The following ADAMTS4 variants were observed in gnomAD, a reference collection of about 807,000 sequenced individuals.
ADAMTS4 encodes the protein A disintegrin and metalloproteinase with thrombospondin motifs 4.
ADAMTS4 carries 38 observed loss-of-function variants against 66.7 expected under a neutral mutation model. The ratio of observed to expected loss-of-function variants is 0.57; its 90% CI spans 0.44 to 0.75. The LOEUF (loss-of-function observed/expected upper bound fraction) is 0.75. ADAMTS4 is among the 30% of genes least tolerant of loss of function. The pLI, the probability that ADAMTS4 is intolerant of heterozygous loss-of-function variation, is 0.00. For synonymous variants in ADAMTS4, 418 were observed against 461.5 expected, an observed-to-expected ratio of 0.91 and a Z score of 1.21; for missense variants, 1,014 against 1,116.7, an observed-to-expected ratio of 0.91 and a Z score of 1.31.
Position 161,194,240 on chromosome 1 carries a change from C to A in ADAMTS4, c.1262-19G>T. ...CAGTGCCCTGGGAAGGGGGTTGGGGCACAAAGTCAGCAACGGGCTGAGGGG... is the reference window on the plus strand; with the variant it reads ...CAGTGCCCTGGGAAGGGGGTTGGGGAACAAAGTCAGCAACGGGCTGAGGGG... On this transcript the variant is annotated intron_variant, in intron 4 of 8. Transcript: ENST00000367996. The surrounding 1 kb of genome is among the most constrained non-coding windows in gnomAD (Gnocchi z 4.1). 3 of 1,605,444 alleles carry A rather than the reference C, an allele frequency of 1.9e-6. No individual in the cohort carries two copies. The highest frequency in any genetic ancestry group is 2.6e-6 in the Non-Finnish European group (3 of 1,173,534).
At position 161,193,666 on chromosome 1, in the gene ADAMTS4, T is replaced by A; in HGVS notation, c.1709A>T (p.Asn570Ile). The A allele has an allele frequency of 6.2e-7, 1 of 1,613,158 alleles. No homozygotes were observed. Residue 570 changes from asparagine to isoleucine, a missense_variant, in exon 6 of 9, where the codon AAC becomes ATC. Physicochemically the swap from Asn to Ile is moderately radical, Grantham distance 149 (BLOSUM62 -3). Transcript: ENST00000367996. This position sits in a 1 kb window ranked among gnomAD's most constrained non-coding sequence, Gnocchi z 4.4. ...EGRRTRFRSCNTEDCPTGSAL... is the reference protein window; with the variant it reads ...EGRRTRFRSCITEDCPTGSAL... ...TGAGCCAGTTGGGCAGTCCTCAGTG[T>A]TGCAGGAGCGGAAGCGGGTACGGCG...
rs1664568782 is a variant in ADAMTS4 at position 161,187,771 on chromosome 1, C to G, written c.*3367G>C. 6.6e-6 allele frequency: 1 copy of G among 152,142 alleles called. No homozygotes were observed. The highest frequency in any genetic ancestry group is 2.4e-5 in the African/African-American group (1 of 41,402). The allele number at this position is 152,142 out of a possible 1,614,324, so 9.4% of individuals were successfully genotyped here. A position where few individuals can be genotyped will look rare whatever the true frequency, so the allele number is the denominator to read the frequency against. ...TCCCCCATTCTTCACTCTTCCACCTCAACCTCAGGGTCTTCTTTACCTATA... is the reference window on the plus strand; with the variant it reads ...TCCCCCATTCTTCACTCTTCCACCTGAACCTCAGGGTCTTCTTTACCTATA... On this transcript the variant is annotated 3_prime_UTR_variant, in exon 9 of 9. Coordinates refer to ENST00000367996, the MANE Select transcript of ADAMTS4 (RefSeq NM_005099.6).
At chr1:161,197,127 C>A in intron 1 of ADAMTS4, 2 of 489,750 alleles carry the variant, frequency 4.1e-6, no homozygotes, top group East Asian at 7.5e-5. Flanking sequence ...GAAGGGGACG[C>A]CACATCCCAG....
In ADAMTS4 at chr1:161,191,252, G is replaced by A; in HGVS notation, c.2400C>T (p.Phe800=). Residue 800 remains phenylalanine (F), a synonymous_variant, in exon 9 of 9, where the codon TTC becomes TTT. Coordinates refer to ENST00000367996, the MANE Select transcript of ADAMTS4 (RefSeq NM_005099.6). Reference sequence around the variant, plus strand: ...TTGAAGGGGTCGGCCGGGGCACGAAGAAGCTGTATCGGAGGCGTGTGTCCT... The same window carrying A: ...TTGAAGGGGTCGGCCGGGGCACGAAAAAGCTGTATCGGAGGCGTGTGTCCT... The part of the protein sequence containing the change: ...NPQDTRLRYS[F]FVPRPTPSTP... 13 of 1,613,788 alleles carry A rather than the reference G, an allele frequency of 8.1e-6. No individual in the cohort carries two copies. The highest frequency in any genetic ancestry group is 1.1e-5 in the Non-Finnish European group (13 of 1,179,944).
chr1:161,198,522 A>T lies in ADAMTS4; in HGVS notation c.106T>A (p.Trp36Arg). The T allele has an allele frequency of 6.4e-7, 1 of 1,567,042 alleles. No homozygotes were observed. Among genetic ancestry groups the T allele is most frequent in the Non-Finnish European group, 8.6e-7 (1 of 1,156,196 alleles). Reference protein sequence around the residue: ...LPIVPLSWLVWLLLLLLASLL... With the variant: ...LPIVPLSWLVRLLLLLLASLL... ...GAGGCCAGCAGTAGCAGAAGCAGCC[A>T]CACCAGCCAGGAGAGCGGCACAATG... Residue 36 changes from tryptophan (W) to arginine (R), a missense_variant, in exon 1 of 9, where the codon TGG (tryptophan) becomes AGG (arginine). Transcript: ENST00000367996. The surrounding 1 kb of genome is among the most constrained non-coding windows in gnomAD (Gnocchi z 4.7).
Position 161,191,347 on chromosome 1 carries a change from C to T in ADAMTS4, c.2305G>A (p.Glu769Lys). The change falls in exon 9 of 9, where the codon GAG becomes AAG. Residue 769 changes from glutamate (E) to lysine (K), a missense_variant. Coordinates refer to ENST00000367996, the MANE Select transcript of ADAMTS4 (RefSeq NM_005099.6). ...AGTGGCCCATGGCCTGACAGTGTCT[C>T]TGAGGCTGCAGTGGCCCCGCTGTAG... The part of the protein sequence containing the change: ...LRYSGATAAS[E>K]TLSGHGPLAQ... The T allele has an allele frequency of 6.2e-7, 1 of 1,614,030 alleles. No homozygotes were observed. Among genetic ancestry groups the T allele is most frequent in the Non-Finnish European group, 8.5e-7 (1 of 1,180,030 alleles).
At chr1:161,191,611 T>G in intron 8 of ADAMTS4, 47 bp from the exon 9 acceptor site, 1 of 1,540,532 alleles carries the variant, frequency 6.5e-7, no homozygotes, top group South Asian at 1.2e-5. Context: ...CTGAATCCCC[T>G]CAGCCTTCTG....
Position 161,196,575 on chromosome 1 carries a change from G to A in ADAMTS4, c.939C>T (p.Ala313=). The part of the protein sequence containing the change: ...EDSDPDHFDT[A]ILFTRQDLCG... ...GCCTCACCTGACGGGTAAACAGAATGGCTGTGTCAAAGTGGTCAGGGTCCG... is the reference window on the plus strand; with the variant it reads ...GCCTCACCTGACGGGTAAACAGAATAGCTGTGTCAAAGTGGTCAGGGTCCG... Residue 313 remains alanine (A), a synonymous_variant, in exon 2 of 9, where the codon GCC becomes GCT. Transcript: ENST00000367996. 1 of 1,614,182 alleles carries A rather than the reference G, an allele frequency of 6.2e-7. No individual in the cohort carries two copies. Among genetic ancestry groups the A allele is most frequent in the Admixed American group, 1.7e-5 (1 of 60,034 alleles).
rs1160335140 is a variant in ADAMTS4 at position 161,189,393 on chromosome 1, A to T, written c.*1745T>A. On this transcript the variant is annotated 3_prime_UTR_variant, in exon 9 of 9. Coordinates refer to ENST00000367996, the MANE Select transcript of ADAMTS4 (RefSeq NM_005099.6). The stretch of plus-strand genomic sequence containing the variant: ...GTTGTGAAACCCAGACCCCTCAACT[A>T]TCACCCTTATTACTAAGCACTCATT... 1 of 152,128 alleles carries T rather than the reference A, an allele frequency of 6.6e-6. No individual in the cohort carries two copies. The highest frequency in any genetic ancestry group is 2.4e-5 in the African/African-American group (1 of 41,416). The allele number at this position is 152,128 out of a possible 1,614,324, so 9.4% of individuals were successfully genotyped here.
chr1:161,195,734 A>G (rs1664804045), intron 3 of ADAMTS4, 99 bp from the exon 4 acceptor site: 1 of 1,204,268 alleles, frequency 8.3e-7, no homozygotes, highest in Non-Finnish European at 1.2e-6. Flanking sequence ...GATCAGATCC[A>G]TTACCCACCT....
chr1:161,191,194 G>A lies in ADAMTS4; in HGVS notation c.2458C>T (p.Arg820Ter), dbSNP rs1478612729. 3.8e-6 allele frequency: 6 copies of A among 1,598,338 alleles called. No individual in the cohort carries two copies. Among genetic ancestry groups the A allele is most frequent in the African/African-American group, 1.3e-5 (1 of 74,672 alleles). The change falls in exon 9 of 9, where the codon CGA becomes TGA. Residue 820 changes from arginine to a stop codon, truncating the protein, a stop_gained. Coordinates refer to ENST00000367996, the MANE Select transcript of ADAMTS4 (RefSeq NM_005099.6). LOFTEE classifies it high-confidence loss of function. ...AGGATCTCCAGAATCTGTGCTCTTCGGTGCAGCCAGTCCTGGGGAGTGGGG... is the reference window on the plus strand; with the variant it reads ...AGGATCTCCAGAATCTGTGCTCTTCAGTGCAGCCAGTCCTGGGGAGTGGGG... Reference protein sequence around the residue: ...PRPTPQDWLHRRAQILEILRR... With the variant: ...PRPTPQDWLH
chr1:161,188,039 TC>T lies in ADAMTS4; in HGVS notation c.*3098del, dbSNP rs979880562. On this transcript the variant is annotated 3_prime_UTR_variant, in exon 9 of 9. Coordinates refer to ENST00000367996, the MANE Select transcript of ADAMTS4 (RefSeq NM_005099.6). ...ATTTCGGCTCACTGCAACCTCCACC[TC>T]CCAGGTTCAAGCGATCCTCCTGCCT... 5 of 134,942 alleles carry T rather than the reference TC, an allele frequency of 3.7e-5. No homozygotes were observed. The highest frequency in any genetic ancestry group is 1.4e-4 in the African/African-American group (5 of 35,398). The allele number at this position is 134,942 out of a possible 1,614,324, so 8.4% of individuals were successfully genotyped here.
chr1:161,192,033 G>A (rs1664694914), intron 8 of ADAMTS4, 32 bp downstream of exon 8: 1 of 1,609,098 alleles, frequency 6.2e-7, no homozygotes, highest in East Asian at 2.2e-5. Flanking sequence ...GAATGTCCAG[G>A]AAGGTAGAGG....
Position 161,188,198 on chromosome 1 carries a change from T to C in ADAMTS4, c.*2940A>G, listed in dbSNP as rs565451747. On this transcript the variant is annotated 3_prime_UTR_variant, in exon 9 of 9. Transcript: ENST00000367996. ...TTTGAACCTCAGCCTCCCAAAGTGCTGAGATTACAGGTGTGAGCCACCATG... is the reference window on the plus strand; with the variant it reads ...TTTGAACCTCAGCCTCCCAAAGTGCCGAGATTACAGGTGTGAGCCACCATG... The C allele has an allele frequency of 6.7e-6, 1 of 149,460 alleles. No homozygotes were observed. Among genetic ancestry groups the C allele is most frequent in the East Asian group, 2.0e-4 (1 of 5,100 alleles). The allele number at this position is 149,460 out of a possible 1,614,324, so 9.3% of individuals were successfully genotyped here.
Position 161,193,548 on chromosome 1 carries a change from G to A in ADAMTS4, c.1735+92C>T. ...TAAAGGCACTCCCCACAGCAGCAGG[G>A]GAATCAACACCCCCTTGGTCTTGCA... On this transcript the variant is annotated intron_variant, in intron 6 of 8. Transcript: ENST00000367996. The surrounding 1 kb of genome is among the most constrained non-coding windows in gnomAD (Gnocchi z 4.4). 1 of 1,524,448 alleles carries A rather than the reference G, an allele frequency of 6.6e-7. No individual in the cohort carries two copies. Among genetic ancestry groups the A allele is most frequent in the South Asian group, 1.3e-5 (1 of 79,620 alleles). 94.4% of individuals were successfully genotyped at this position (1,524,448 alleles called of 1,614,324 possible). A position where few individuals can be genotyped will look rare whatever the true frequency, so the allele number is the denominator to read the frequency against.
Position 161,198,526 on chromosome 1 carries a change from C to A in ADAMTS4, c.102G>T (p.Leu34=). The A allele has an allele frequency of 6.4e-7, 1 of 1,567,220 alleles. No homozygotes were observed. Among genetic ancestry groups the A allele is most frequent in the East Asian group, 2.4e-5 (1 of 42,258 alleles). The part of the protein sequence containing the change: ...LLLPIVPLSW[L]VWLLLLLLAS... ...CCAGCAGTAGCAGAAGCAGCCACAC[C>A]AGCCAGGAGAGCGGCACAATGGGGA... Residue 34 remains leucine, a synonymous_variant, in exon 1 of 9, where the codon CTG becomes CTT. Coordinates refer to ENST00000367996, the MANE Select transcript of ADAMTS4 (RefSeq NM_005099.6). This position sits in a 1 kb window ranked among gnomAD's most constrained non-coding sequence, Gnocchi z 4.7.
rs1239595772 is a variant in ADAMTS4, at chr1:161,192,201, C to G, written c.1951G>C (p.Val651Leu). Residue 651 changes from valine (V) to leucine (L), a missense_variant, in exon 8 of 9, where the codon GTC becomes CTC. Val to Leu is a conservative substitution (Grantham distance 32, BLOSUM62 1). Coordinates refer to ENST00000367996, the MANE Select transcript of ADAMTS4 (RefSeq NM_005099.6). ...GTPCSPDSSSVCVQGRCIHAG... is the reference protein window; with the variant it reads ...GTPCSPDSSSLCVQGRCIHAG... ...TGGATGCATCGGCCCTGGACACAGA[C>G]CGAGGAGCTGTCCGGGGAACAGGGG... 2 of 1,614,016 alleles carry G rather than the reference C, an allele frequency of 1.2e-6. No individual in the cohort carries two copies. Among genetic ancestry groups the G allele is most frequent in the Non-Finnish European group, 1.7e-6 (2 of 1,179,988 alleles).
chr1:161,191,436 T>C lies in ADAMTS4; in HGVS notation c.2216A>G (p.Asn739Ser), dbSNP rs1664677973. The C allele has an allele frequency of 6.2e-7, 1 of 1,614,196 alleles. No individual in the cohort carries two copies. Among genetic ancestry groups the C allele is most frequent in the Non-Finnish European group, 8.5e-7 (1 of 1,180,024 alleles). The change falls in exon 9 of 9, where the codon AAT (asparagine) becomes AGT (serine). Residue 739 changes from asparagine to serine, a missense_variant. Transcript: ENST00000367996. ...LKLPDGSYALNGEYTLMPSPT... is the reference protein window; with the variant it reads ...LKLPDGSYALSGEYTLMPSPT... Reference sequence around the variant, plus strand: ...GGAGGGCATCAGCGTGTATTCACCATTGAGGGCATAGGAGCCATCTGGCAG... The same window carrying C: ...GGAGGGCATCAGCGTGTATTCACCACTGAGGGCATAGGAGCCATCTGGCAG...
In ADAMTS4 at chr1:161,192,180, T is replaced by G. The variant is rs1480911158; in HGVS notation, c.1972A>C (p.Ile658Leu). The G allele has an allele frequency of 6.2e-7, 1 of 1,614,010 alleles. No homozygotes were observed. Among genetic ancestry groups the G allele is most frequent in the Admixed American group, 1.7e-5 (1 of 59,998 alleles). Reference protein sequence around the residue: ...SSSVCVQGRCIHAGCDRIIGS... With the variant: ...SSSVCVQGRCLHAGCDRIIGS... ...ATGATGCGATCACAGCCAGCATGGA[T>G]GCATCGGCCCTGGACACAGACCGAG... Residue 658 changes from isoleucine (I) to leucine (L), a missense_variant, in exon 8 of 9, where the codon ATC (isoleucine) becomes CTC (leucine). Ile to Leu is a conservative substitution (Grantham distance 5). Coordinates refer to ENST00000367996, the MANE Select transcript of ADAMTS4 (RefSeq NM_005099.6).
Sources: gnomAD v4.1 joint callset for allele counts on GRCh38, gnomAD v4.1.1 for gene constraint, Gnocchi (gnomAD v3.1) non-coding constraint, MANE v1.5 for transcripts, NCBI Gene and HGNC (gene_info 2026-07-23, HGNC 2026-07-21) for gene names.